ABCC8: variants seen among roughly 807,000 people sequenced by gnomAD.
ABCC8 encodes the protein ATP-binding cassette sub-family C member 8.
In ABCC8, 137 loss-of-function variants were observed where a neutral mutation model predicts 188.0. The ratio of observed to expected loss-of-function variants is 0.73; its 90% confidence interval spans 0.63 to 0.84. The LOEUF (loss-of-function observed/expected upper bound fraction) is 0.84. Among genes scored for constraint, ABCC8 ranks in the 40% least tolerant of loss-of-function variants. The pLI, the probability that ABCC8 is intolerant of heterozygous loss-of-function variation, is 0.00. For missense variants in ABCC8, 1,750 were observed against 2,072.7 expected (o/e 0.84, Z 3.02); for synonymous variants, 797 against 846.5 (o/e 0.94, Z 1.01).
chr11:17,412,370 T>C (rs1954853114), intron 21 of ABCC8, among the ~76,000 whole-genome samples: 1 of 152,240 alleles, frequency 6.6e-6, no homozygotes, highest in Admixed American at 6.5e-5. Flanking sequence ...ATAGTCGGGC[T>C]GCATAAGTGT....
intron 10 of ABCC8, chr11:17,435,836 C>T: frequency 8.0e-7 from 1 of 1,243,574 alleles, no homozygotes; most frequent in Non-Finnish European, 1.2e-6. Flanking sequence ...GCAAACTTAG[C>T]TGTGTGGATC....
chr11:17,461,877 C>T (rs200351396), intron 4 of ABCC8, 52 bp from the exon 5 acceptor site: 17 of 1,609,228 alleles, frequency 1.1e-5, no homozygotes, highest in Non-Finnish European at 1.4e-5. Flanking sequence ...TCTCACCACT[C>T]CCTACCTTGC....
At chr11:17,436,208 AC>A in intron 10 of ABCC8, 1 of 664,648 alleles carries the variant, frequency 1.5e-6, no homozygotes, top group Admixed American at 2.1e-5. Context: ...GATGGAAGTG[AC>A]CAGCTACTTG....
At chr11:17,410,283 T>C (rs973395829) in intron 22 of ABCC8, 10 of 535,514 alleles carry the variant, frequency 1.9e-5, no homozygotes, top group Admixed American at 1.3e-4. Context: ...GAGTGTACCA[T>C]GGGGGGCCCG....
chr11:17,451,756 T>G (rs1278888141), intron 7 of ABCC8, among the ~76,000 whole-genome samples: 1 of 152,252 alleles, frequency 6.6e-6, no homozygotes, highest in African/African-American at 2.4e-5. Flanking sequence ...TTTCTAGCAG[T>G]GCATATATAG....
intron 16 of ABCC8, among the ~76,000 whole-genome samples, chr11:17,417,580 C>T (rs1955144094): frequency 6.6e-6 from 1 of 152,202 alleles, no homozygotes; most frequent in Admixed American, 6.5e-5. Flanking sequence ...TCCCCTCCCC[C>T]AGGATACCTC....
chr11:17,456,648 G>A (rs569841947), intron 6 of ABCC8, among the ~76,000 whole-genome samples: 19 of 152,126 alleles, frequency 1.2e-4, no homozygotes, highest in Non-Finnish European at 2.6e-4. Flanking sequence ...TGTTTGACAC[G>A]GTGGTTAAGA....
chr11:17,419,836 C>T (rs1591777521), intron 16 of ABCC8, among the ~76,000 whole-genome samples: 2 of 152,182 alleles, frequency 1.3e-5, no homozygotes, highest in East Asian at 3.8e-4. Flanking sequence ...ACATTTGAAT[C>T]CCAGAGGCTT....
intron 7 of ABCC8, among the ~76,000 whole-genome samples, chr11:17,450,312 TTCTTTCTTTCTTTCTCTCTC>T (rs1956739248): frequency 7.9e-6 from 1 of 126,490 alleles, no homozygotes; most frequent in Non-Finnish European, 1.6e-5. Flanking sequence ...CTTTCTTTCT[TTCTTTCTTTCTTTCTCTCTC>T]TCTCTTTCCT....
intron 6 of ABCC8, among the ~76,000 whole-genome samples, chr11:17,454,976 A>C (rs184009635): frequency 1.3e-5 from 2 of 152,248 alleles, no homozygotes; most frequent in Admixed American, 1.3e-4. Flanking sequence ...CCTTTTTAAC[A>C]TGCCCTGGGA....
At position 17,410,594 on chromosome 11, in the gene ABCC8, G is replaced by C. The variant is rs568219283; in HGVS notation, c.2616C>G (p.Ile872Met). 2.5e-6 allele frequency: 4 copies of C among 1,614,180 alleles called. No homozygotes were observed. The South Asian group carries it at 4.4e-5, about 18-fold the overall frequency. Reference protein sequence around the residue: ...HLSDHLMQAGILELLRDDKRT... With the variant: ...HLSDHLMQAGMLELLRDDKRT... ...TCTTGTCGTCCCGGAGCAGCTCAAG[G>C]ATGCCGGCCTGCATTAAGTGGTCAC... The change falls in exon 22 of 39, where the codon ATC becomes ATG. Residue 872 changes from isoleucine to methionine, a missense_variant. Transcript: ENST00000389817.
rs572315962 is a variant in ABCC8 at position 17,435,795 on chromosome 11, C to G, written c.1631-3551G>C. ...CCCACATCAAGTGTCAGACCCCATTCCAGATATGATACATGAGAGGGAAGA... is the reference window on the plus strand; with the variant it reads ...CCCACATCAAGTGTCAGACCCCATTGCAGATATGATACATGAGAGGGAAGA... On this transcript the variant is annotated intron_variant, in intron 10 of 38. Coordinates refer to ENST00000389817, the MANE Select transcript of ABCC8 (RefSeq NM_000352.6). 96 of 1,304,502 alleles carry G rather than the reference C, an allele frequency of 7.4e-5. No individual in the cohort carries two copies. In the African/African-American group the frequency reaches 1.3e-3, roughly 18 times the overall value. 80.8% of individuals were successfully genotyped at this position (1,304,502 alleles called of 1,614,324 possible).
At chr11:17,444,866 CCCACTCTGAAGGACTCTGT>C (rs1259543460) in intron 8 of ABCC8, among the ~76,000 whole-genome samples, 1 of 152,116 alleles carries the variant, frequency 6.6e-6, no homozygotes, top group Admixed American at 6.5e-5. Flanking sequence ...GATTATAATG[CCCACTCTGAAGGACTCTGT>C]CCACTCTGCA....
intron 1 of ABCC8, among the ~76,000 whole-genome samples, chr11:17,476,301 C>G (rs1848771220): frequency 6.6e-6 from 1 of 152,246 alleles, no homozygotes; most frequent in Non-Finnish European, 1.5e-5. Context: ...GGCCCGACCC[C>G]TCTCCAGTTT....
chr11:17,410,335 C>G (rs1043472350), intron 22 of ABCC8, 181 bp downstream of exon 22: 2 of 688,356 alleles, frequency 2.9e-6, no homozygotes, highest in Non-Finnish European at 5.0e-6. Flanking sequence ...TGATACCAAA[C>G]CCCTGGCCTG....
At chr11:17,463,738 A>T in intron 3 of ABCC8, 134 bp from the exon 4 acceptor site, 1 of 1,164,198 alleles carries the variant, frequency 8.6e-7, no homozygotes, top group Non-Finnish European at 1.2e-6. Context: ...GAGTAAGTGG[A>T]TGTGCACGTG....
At chr11:17,454,086 C>G (rs1956908736) in intron 6 of ABCC8, among the ~76,000 whole-genome samples, 1 of 152,206 alleles carries the variant, frequency 6.6e-6, no homozygotes, top group Non-Finnish European at 1.5e-5. Flanking sequence ...GATCTCTGCT[C>G]TTTCTCAGAC....
intron 11 of ABCC8, 25 bp from the exon 12 acceptor site, chr11:17,430,984 C>A: frequency 6.2e-7 from 1 of 1,610,434 alleles, no homozygotes; most frequent in Non-Finnish European, 8.5e-7. Context: ...ACAAGTGAGG[C>A]CAGGGTGGCC....
rs573183859 is a variant in ABCC8 at position 17,420,576 on chromosome 11, C to A, written c.2223-3614G>T. The stretch of plus-strand genomic sequence containing the variant: ...CGACCAGGGCCGTCCTGAGAGAAGC[C>A]TTTTTCTCTCTTCCTGGGGAATCAG... On this transcript the variant is annotated intron_variant, in intron 16 of 38. Transcript: ENST00000389817. Among the ~76,000 whole-genome samples, 138 of 152,316 alleles carry A rather than the reference C, an allele frequency of 9.1e-4. 1 individual carries two copies. The highest frequency in any genetic ancestry group is 9.0e-4 in the Non-Finnish European group (61 of 68,022).
Sources: gnomAD v4.1 joint callset for allele counts (sites outside exome capture counted in the v4.1 genomes callset) on GRCh38, gnomAD v4.1.1 for gene constraint, MANE v1.5 for transcripts, NCBI Gene and HGNC (gene_info 2026-07-23, HGNC 2026-07-21) for gene names.